XPNPEP1: variants seen among roughly 807,000 people sequenced by gnomAD.
The protein encoded by XPNPEP1 is xaa-Pro aminopeptidase 1.
In XPNPEP1, 39 loss-of-function variants were observed where a neutral mutation model predicts 92.4. The ratio of observed to expected loss-of-function variants is 0.42; its 90% CI spans 0.33 to 0.55. The LOEUF is 0.55. Ranked by LOEUF, XPNPEP1 falls within the 20% of genes least tolerant of loss-of-function variation. The pLI is 0.08. For synonymous variants in XPNPEP1, 307 were observed against 299.4 expected, an observed-to-expected ratio of 1.03 and a Z score of -0.26; for missense variants, 654 against 856.1, an observed-to-expected ratio of 0.76 and a Z score of 2.95.
At position 109,865,216 on chromosome 10, in the gene XPNPEP1, T is replaced by C. The variant is rs946579137; in HGVS notation, c.1969A>G (p.Arg657Gly). The C allele has an allele frequency of 5.0e-6, 8 of 1,614,218 alleles. No individual in the cohort carries two copies. The highest frequency in any genetic ancestry group is 3.3e-4 in the Middle Eastern group (2 of 6,062). ...TGTTTGGAGATGGGTTGCGTCTCTCTGATGAGCCACTCGAGAGCTTCCTGG... is the reference window on the plus strand; with the variant it reads ...TGTTTGGAGATGGGTTGCGTCTCTCCGATGAGCCACTCGAGAGCTTCCTGG... ...GRQEALEWLI[R>G]ETQPISKQH The change falls in exon 21 of 21, where the codon AGA becomes GGA. Residue 657 changes from arginine to glycine, a missense_variant. Physicochemically the swap from Arg to Gly is moderately radical, Grantham distance 125 (BLOSUM62 -2). Coordinates refer to ENST00000502935, the MANE Select transcript of XPNPEP1 (RefSeq NM_020383.4).
intron 2 of XPNPEP1, among the ~76,000 whole-genome samples, chr10:109,910,345 G>A (rs1589626434): frequency 6.6e-6 from 1 of 152,244 alleles, no homozygotes; most frequent in East Asian, 1.9e-4. Flanking sequence ...GGGAGCTCAA[G>A]ACCAGCCTGA....
At chr10:109,899,195 G>C (rs1175207202) in intron 3 of XPNPEP1, among the ~76,000 whole-genome samples, 1 of 152,186 alleles carries the variant, frequency 6.6e-6, no homozygotes, top group Non-Finnish European at 1.5e-5. Flanking sequence ...TCCTTCCTTA[G>C]TGTAGAAGAG....
rs1564804060 is a variant in XPNPEP1, at chr10:109,923,463, G to A, written c.-30C>T. ...CGGTGACGTGCCCCAGCCCACGTCA[G>A]GGGAGCGCAGACCAGCTGATCACCC... On this transcript the variant is annotated 5_prime_UTR_variant, in exon 1 of 21. Transcript: ENST00000502935. The A allele has an allele frequency of 6.0e-5, 85 of 1,406,138 alleles. No individual in the cohort carries two copies. Among genetic ancestry groups the A allele is most frequent in the Non-Finnish European group, 7.7e-5 (83 of 1,075,430 alleles). The allele number at this position is 1,406,138 out of a possible 1,614,324, so 87.1% of individuals were successfully genotyped here.
intron 1 of XPNPEP1, among the ~76,000 whole-genome samples, chr10:109,917,671 A>C (rs1850266418): frequency 6.6e-6 from 1 of 152,242 alleles, no homozygotes. Flanking sequence ...AATAGCCAAA[A>C]CAATCTTGAA....
chr10:109,884,165 A>G lies in XPNPEP1; in HGVS notation c.749-17T>C. On this transcript the variant is annotated splice_polypyrimidine_tract_variant and intron_variant, in intron 8 of 20. Coordinates refer to ENST00000502935, the MANE Select transcript of XPNPEP1 (RefSeq NM_020383.4). ...TAAATAGCCCTAGAAAAGAAATCAA[A>G]ATCCCTGTCACCTGTCTGACTTAAG... 6.2e-7 allele frequency: 1 copy of G among 1,611,990 alleles called. No homozygotes were observed. Among genetic ancestry groups the G allele is most frequent in the Non-Finnish European group, 8.5e-7 (1 of 1,178,762 alleles).
intron 1 of XPNPEP1, among the ~76,000 whole-genome samples, chr10:109,915,567 C>T (rs1342465948): frequency 6.6e-6 from 1 of 151,664 alleles, no homozygotes; most frequent in Non-Finnish European, 1.5e-5. Context: ...AGGTCTGCTG[C>T]CTCTCCCTCT....
intron 12 of XPNPEP1, among the ~76,000 whole-genome samples, 160 bp downstream of exon 12, chr10:109,880,028 A>G (rs1023690622): frequency 3.3e-5 from 5 of 152,214 alleles, no homozygotes; most frequent in Admixed American, 3.3e-4. Context: ...ATCTACACAC[A>G]CCAAATTTCC....
At chr10:109,881,862 C>T (rs1490898766) in intron 10 of XPNPEP1, among the ~76,000 whole-genome samples, 4 of 151,104 alleles carry the variant, frequency 2.6e-5, no homozygotes, top group East Asian at 3.9e-4. Flanking sequence ...AAGGCTATCA[C>T]TATCACTTGA....
chr10:109,865,830 G>A (rs1469887945), intron 20 of XPNPEP1, among the ~76,000 whole-genome samples: 1 of 152,208 alleles, frequency 6.6e-6, no homozygotes, highest in African/African-American at 2.4e-5. Flanking sequence ...TAAAGACTGT[G>A]GTGCAGCAGA....
chr10:109,875,341 G>A lies in XPNPEP1; in HGVS notation c.1391+187C>T, dbSNP rs141929832. ...ATTTCTATCAAACAGTCTTTTGTGA[G>A]AACAGAGTCACAACTGGGCTATTTC... On this transcript the variant is annotated intron_variant, in intron 15 of 20. Coordinates refer to ENST00000502935, the MANE Select transcript of XPNPEP1 (RefSeq NM_020383.4). Among the ~76,000 whole-genome samples the A allele has an allele frequency of 4.5e-3, 692 of 152,272 alleles. 3 individuals are homozygous for A. Among genetic ancestry groups the A allele is most frequent in the South Asian group, 8.5e-3 (41 of 4,830 alleles).
intron 3 of XPNPEP1, among the ~76,000 whole-genome samples, chr10:109,904,141 A>T (rs954749789): frequency 6.6e-6 from 1 of 151,138 alleles, no homozygotes; most frequent in Non-Finnish European, 1.5e-5. Context: ...CACCACACCC[A>T]GCCTGAAGTT....
intron 9 of XPNPEP1, among the ~76,000 whole-genome samples, chr10:109,882,926 A>T (rs1358998003): frequency 6.6e-6 from 1 of 151,914 alleles, no homozygotes; most frequent in Non-Finnish European, 1.5e-5. Context: ...TCTCCATCTA[A>T]TCTGTCCAGC....
In XPNPEP1 at chr10:109,906,765, C is replaced by T. The variant is rs550796206; in HGVS notation, c.246+926G>A. Among the ~76,000 whole-genome samples the T allele has an allele frequency of 4.8e-4, 73 of 152,278 alleles. 1 individual carries two copies. The highest frequency in any genetic ancestry group is 3.0e-3 in the Admixed American group (46 of 15,292). ...AAGCTTCCCTGTTTCTTTGCCTTTG[C>T]TGCCACTAATACTTTTACCTAGAAC... On this transcript the variant is annotated intron_variant, in intron 3 of 20. Transcript: ENST00000502935.
At chr10:109,903,234 C>T (rs1255208055) in intron 3 of XPNPEP1, among the ~76,000 whole-genome samples, 1 of 152,204 alleles carries the variant, frequency 6.6e-6, no homozygotes, top group African/African-American at 2.4e-5. Context: ...AAACCTTCAA[C>T]TCTTAATTCA....
chr10:109,884,391 G>A (rs1848276921), intron 8 of XPNPEP1: 1 of 470,930 alleles, frequency 2.1e-6, no homozygotes, highest in South Asian at 3.1e-5. Flanking sequence ...CCGGAGAAGG[G>A]AATAAAAGCT....
At chr10:109,894,153 G>A (rs1271957335) in intron 3 of XPNPEP1, 1 of 152,268 alleles carries the variant, frequency 6.6e-6, no homozygotes, top group Non-Finnish European at 1.5e-5. Context: ...TGGGGCTGCT[G>A]GCCAGACCCA....
In XPNPEP1 at chr10:109,865,030, A is replaced by C. The variant is rs1847054246; in HGVS notation, c.*154T>G. 3.7e-6 allele frequency: 4 copies of C among 1,085,956 alleles called. No homozygotes were observed. The highest frequency in any genetic ancestry group is 5.2e-6 in the Non-Finnish European group (4 of 765,410). 67.3% of individuals were successfully genotyped at this position (1,085,956 alleles called of 1,614,324 possible). On this transcript the variant is annotated 3_prime_UTR_variant, in exon 21 of 21. Coordinates refer to ENST00000502935, the MANE Select transcript of XPNPEP1 (RefSeq NM_020383.4). Reference sequence around the variant, plus strand: ...GACTGAGTGTTTGCAATAAAATATCAAAGAGGATAAGAAGATTTTCTGTTC... The same window carrying C: ...GACTGAGTGTTTGCAATAAAATATCCAAGAGGATAAGAAGATTTTCTGTTC...
chr10:109,919,939 G>A (rs988036829), intron 1 of XPNPEP1, among the ~76,000 whole-genome samples: 15 of 152,214 alleles, frequency 9.9e-5, no homozygotes, highest in African/African-American at 3.6e-4. Context: ...GGCTGAGGCA[G>A]GAGAATCACT....
chr10:109,864,869 A>G lies in XPNPEP1; in HGVS notation c.*315T>C, dbSNP rs1337684521. ...ACCTGGAACATGACCATCATGGAGCACTCACTGATTCCCCATCACTGGCCA... is the reference window on the plus strand; with the variant it reads ...ACCTGGAACATGACCATCATGGAGCGCTCACTGATTCCCCATCACTGGCCA... On this transcript the variant is annotated 3_prime_UTR_variant, in exon 21 of 21. Coordinates refer to ENST00000502935, the MANE Select transcript of XPNPEP1 (RefSeq NM_020383.4). 5.5e-6 allele frequency: 2 copies of G among 366,632 alleles called. No individual in the cohort carries two copies. Among genetic ancestry groups the G allele is most frequent in the African/African-American group, 4.1e-5 (2 of 48,202 alleles). The allele number at this position is 366,632 out of a possible 1,614,324, so 22.7% of individuals were successfully genotyped here.
Sources: allele counts gnomAD v4.1 joint callset (sites outside exome capture counted in the v4.1 genomes callset), GRCh38; gene constraint gnomAD v4.1.1; transcripts MANE v1.5; gene names NCBI Gene and HGNC (gene_info 2026-07-23, HGNC 2026-07-21).